Variants in FHOD3 observed in about 807,000 individuals in gnomAD.
FHOD3 encodes the protein FH1/FH2 domain-containing protein 3.
In FHOD3, 90 loss-of-function variants were observed where a neutral mutation model predicts 173.0. The ratio of observed to expected loss-of-function variants is 0.52; its 90% CI spans 0.44 to 0.62. The LOEUF (loss-of-function observed/expected upper bound fraction) is 0.62. Ranked by LOEUF, FHOD3 falls within the 20% of genes least tolerant of loss-of-function variation. The pLI is 0.00. For missense variants in FHOD3, 1,945 were observed against 2,034.7 expected (o/e 0.96, Z 0.85); for synonymous variants, 828 against 823.0 (o/e 1.01, Z -0.10).
At chr18:36,333,578 A>T (rs1295757604) in intron 1 of FHOD3, among the ~76,000 whole-genome samples, 7 of 152,226 alleles carry the variant, frequency 4.6e-5, no homozygotes, top group African/African-American at 1.7e-4. Context: ...ACGTTTACAC[A>T]ATCCAGTTGT....
chr18:36,429,317 A>G (rs1241491741), intron 3 of FHOD3, among the ~76,000 whole-genome samples: 1 of 152,196 alleles, frequency 6.6e-6, no homozygotes, highest in East Asian at 1.9e-4. Flanking sequence ...AAATTCATAA[A>G]CTTCAGTAGG....
chr18:36,442,312 A>G (rs1292900061), intron 3 of FHOD3, among the ~76,000 whole-genome samples: 2 of 152,190 alleles, frequency 1.3e-5, no homozygotes, highest in African/African-American at 4.8e-5. Context: ...TATTCTTGAT[A>G]ATGTTTATCA....
intron 4 of FHOD3, among the ~76,000 whole-genome samples, chr18:36,508,426 T>C (rs1453145734): frequency 2.0e-5 from 3 of 152,064 alleles, no homozygotes; most frequent in South Asian, 2.1e-4. Context: ...TAAAATAAAC[T>C]AATTAACTTG....
intron 14 of FHOD3, among the ~76,000 whole-genome samples, chr18:36,667,742 CTGTAGACT>C (rs955361771): frequency 2.0e-5 from 3 of 152,126 alleles, no homozygotes; most frequent in African/African-American, 7.2e-5. Flanking sequence ...CTGTACATCA[CTGTAGACT>C]TTATAAACAC....
intron 1 of FHOD3, among the ~76,000 whole-genome samples, chr18:36,328,934 G>A (rs2044826531): frequency 6.6e-6 from 1 of 152,194 alleles, no homozygotes. Context: ...ATAGGCCATG[G>A]ATTCTCAAGT....
chr18:36,353,267 A>G (rs1028454522), intron 1 of FHOD3, among the ~76,000 whole-genome samples: 1 of 152,248 alleles, frequency 6.6e-6, no homozygotes, highest in African/African-American at 2.4e-5. Flanking sequence ...AAATAGGATT[A>G]ACCCCTTCAA....
In FHOD3 at chr18:36,537,203, C is replaced by T. The variant is rs145919891; in HGVS notation, c.511+24660C>T. Among the ~76,000 whole-genome samples, 241 of 152,302 alleles carry T rather than the reference C, an allele frequency of 1.6e-3. No homozygotes were observed. The Middle Eastern group carries it at 0.024, about 15-fold the overall frequency. ...TGACTCCCTGATAATTGTATTTTTA[C>T]GCCAGGGTGAGAAGCCTATGAAGTC... On this transcript the variant is annotated intron_variant, in intron 5 of 28. Transcript: ENST00000590592.
At chr18:36,352,116 C>T (rs972060472) in intron 1 of FHOD3, among the ~76,000 whole-genome samples, 1 of 152,036 alleles carries the variant, frequency 6.6e-6, no homozygotes, top group Admixed American at 6.5e-5. Context: ...GTAGCTATTA[C>T]TAAAAATTAA....
rs1568721087 is a variant in FHOD3 at position 36,747,044 on chromosome 18, C to A, written c.4141C>A (p.Pro1381Thr). 1.9e-6 allele frequency: 3 copies of A among 1,613,828 alleles called. No homozygotes were observed. Among genetic ancestry groups the A allele is most frequent in the Non-Finnish European group, 2.5e-6 (3 of 1,179,948 alleles). The part of the protein sequence containing the change: ...LKAIAKHEMK[P>T]VLKQRMSEFL... ...GGCAATTGCAAAACATGAAATGAAA[C>A]CAGTTTTAAAACAACGGATGTCAGA... The change falls in exon 24 of 29, where the codon CCA (proline) becomes ACA (threonine). Residue 1381 changes from proline to threonine, a missense_variant. By Grantham distance (38) the Pro-to-Thr change is conservative. Coordinates refer to ENST00000590592, the MANE Select transcript of FHOD3 (RefSeq NM_001281740.3).
At chr18:36,481,739 A>G (rs796667516) in intron 3 of FHOD3, among the ~76,000 whole-genome samples, 4 of 152,344 alleles carry the variant, frequency 2.6e-5, no homozygotes, top group African/African-American at 9.6e-5. Flanking sequence ...ATTTTTGTAT[A>G]AACTGTCAAA....
At chr18:36,684,547 A>C (rs1465619524) in intron 15 of FHOD3, among the ~76,000 whole-genome samples, 1 of 152,198 alleles carries the variant, frequency 6.6e-6, no homozygotes, top group East Asian at 1.9e-4. Context: ...ATAGAACAGG[A>C]AAATTAAAAT....
intron 17 of FHOD3, among the ~76,000 whole-genome samples, chr18:36,707,753 G>A (rs1035916408): frequency 1.7e-4 from 26 of 152,182 alleles, no homozygotes; most frequent in African/African-American, 6.3e-4. Context: ...GCCGCAGGAT[G>A]CCTCCACAGA....
At chr18:36,337,286 A>G (rs2045371867) in intron 1 of FHOD3, among the ~76,000 whole-genome samples, 1 of 152,038 alleles carries the variant, frequency 6.6e-6, no homozygotes, top group South Asian at 2.1e-4. Flanking sequence ...ATTTTTTGTT[A>G]TAGAAATGTA....
chr18:36,649,972 C>T (rs2035941121), intron 11 of FHOD3, among the ~76,000 whole-genome samples: 1 of 152,150 alleles, frequency 6.6e-6, no homozygotes, highest in Non-Finnish European at 1.5e-5. Context: ...GGGGAGTTTG[C>T]TGTCATCTAC....
chr18:36,394,193 A>C (rs897364852), intron 3 of FHOD3, among the ~76,000 whole-genome samples: 3 of 152,218 alleles, frequency 2.0e-5, no homozygotes, highest in African/African-American at 7.2e-5. Flanking sequence ...GGAGCATGCT[A>C]TCTGTCTTAT....
rs1363311113 is a variant in FHOD3 at position 36,461,926 on chromosome 18, G to C, written c.338-40006G>C. ...TCCTGAGCCAGTCCCTTCTAAGCTT[G>C]AGGTTTTCATTTCTTTTTCAATAAA... On this transcript the variant is annotated intron_variant, in intron 3 of 28. Coordinates refer to ENST00000590592, the MANE Select transcript of FHOD3 (RefSeq NM_001281740.3). Among the ~76,000 whole-genome samples the C allele has an allele frequency of 2.0e-5, 3 of 152,130 alleles. No homozygotes were observed. The East Asian group carries it at 5.8e-4, about 29-fold the overall frequency.
chr18:36,743,949 A>G, intron 22 of FHOD3, 83 bp from the exon 23 acceptor site: 5 of 1,469,716 alleles, frequency 3.4e-6, no homozygotes, highest in Non-Finnish European at 4.7e-6. Context: ...GGGTGACTGC[A>G]GCCAAGAATT....
intron 5 of FHOD3, among the ~76,000 whole-genome samples, chr18:36,562,992 T>G (rs530782931): frequency 4.6e-5 from 7 of 152,280 alleles, no homozygotes; most frequent in African/African-American, 1.2e-4. Flanking sequence ...CCGGCCATCA[T>G]GTAATCGCAG....
chr18:36,659,692 T>C (rs1164394326), intron 14 of FHOD3, among the ~76,000 whole-genome samples: 5 of 152,194 alleles, frequency 3.3e-5, no homozygotes. Flanking sequence ...AGCTGCTCAC[T>C]GCTTGGGAAC....
Sources: gnomAD v4.1 joint callset for allele counts (sites outside exome capture counted in the v4.1 genomes callset) on GRCh38, gnomAD v4.1.1 for gene constraint, MANE v1.5 for transcripts, NCBI Gene and HGNC (gene_info 2026-07-23, HGNC 2026-07-21) for gene names.